Variants in KIF1B observed in about 807,000 individuals in gnomAD.
KIF1B encodes kinesin family member 1B.
Under a neutral mutation model 241.9 loss-of-function variants are expected in KIF1B, and 76 were observed. That is an observed-to-expected ratio of 0.31 (90% CI 0.26 to 0.38). KIF1B has a LOEUF of 0.38. Among genes scored for constraint, KIF1B ranks in the 10% least tolerant of loss-of-function variants. The probability of loss-of-function intolerance (pLI) is 1.00; values close to 1 mark genes in which losing one functional copy is unlikely to be tolerated. For synonymous variants in KIF1B, 750 were observed against 796.7 expected (o/e 0.94, Z 0.99); for missense variants, 1,622 against 2,271.4 (o/e 0.71, Z 5.81).
chr1:10,255,075 A>G lies in KIF1B; in HGVS notation c.107-1172A>G, dbSNP rs576973648. Among the ~76,000 whole-genome samples, 332 of 151,898 alleles carry G rather than the reference A, an allele frequency of 2.2e-3. 1 individual carries two copies. The highest frequency in any genetic ancestry group is 7.6e-3 in the African/African-American group (317 of 41,458). ...GTGATTCTCCTGCCTCAACCTCCCC[A>G]GTAGCTGGGATTATAGGCACACACC... is the stretch of plus-strand genomic sequence containing the variant. On this transcript the variant is annotated intron_variant, in intron 2 of 48. Transcript: ENST00000676179.
In KIF1B at chr1:10,256,935, C is replaced by G. The variant is rs192652729; in HGVS notation, c.183+612C>G. ...CCATGTTGGCCAGGCTGGTCTCGAG[C>G]TTCTGACCTTAAGTGATCCACCTGT... is the stretch of plus-strand genomic sequence containing the variant. On this transcript the variant is annotated intron_variant, in intron 3 of 48. Coordinates refer to ENST00000676179, the MANE Select transcript of KIF1B (RefSeq NM_001365951.3). Among the ~76,000 whole-genome samples, 285 of 152,082 alleles carry G rather than the reference C, an allele frequency of 1.9e-3. 1 individual carries two copies. Among genetic ancestry groups the G allele is most frequent in the African/African-American group, 6.4e-3 (267 of 41,492 alleles).
In KIF1B at chr1:10,365,352, C is replaced by T. The variant is rs930417549; in HGVS notation, c.4513-57C>T. 12 of 1,613,994 alleles carry T rather than the reference C, an allele frequency of 7.4e-6. No homozygotes were observed. In the African/African-American group the frequency reaches 1.5e-4, roughly 20 times the overall value. On this transcript the variant is annotated intron_variant, in intron 42 of 48. Transcript: ENST00000676179. This position sits in a 1 kb window ranked among gnomAD's most constrained non-coding sequence, Gnocchi z 4.0. ...TGTGATCATAGCTTTTCACTTTTCT[C>T]TCCTGAGGTCTTAACGAGCTTTGTG...
At chr1:10,368,226 C>T (rs1290644761) in intron 43 of KIF1B, among the ~76,000 whole-genome samples, 4 of 152,154 alleles carry the variant, frequency 2.6e-5, no homozygotes, top group African/African-American at 2.4e-5. Context: ...GTATCCAGGG[C>T]TTCATTTAGT....
intron 2 of KIF1B, among the ~76,000 whole-genome samples, chr1:10,242,875 A>G (rs573052860): frequency 2.6e-5 from 4 of 152,106 alleles, no homozygotes; most frequent in Non-Finnish European, 5.9e-5. Context: ...CAGCCCGCTG[A>G]TGGACAGGTT....
chr1:10,305,602 G>A, intron 22 of KIF1B: 1 of 1,057,472 alleles, frequency 9.5e-7, no homozygotes, highest in Non-Finnish European at 1.1e-6. Context: ...TGAAATAAAA[G>A]TTAACTTTGG....
chr1:10,295,399 A>G (rs564808014), intron 18 of KIF1B, among the ~76,000 whole-genome samples: 17 of 152,090 alleles, frequency 1.1e-4, no homozygotes, highest in African/African-American at 3.6e-4. Flanking sequence ...ACAAATATAC[A>G]TTCCTTAGGG....
chr1:10,258,490 C>T lies in KIF1B; in HGVS notation c.184-3C>T, dbSNP rs754127193. 1.2e-6 allele frequency: 2 copies of T among 1,613,520 alleles called. No individual in the cohort carries two copies. Among genetic ancestry groups the T allele is most frequent in the Non-Finnish European group, 1.7e-6 (2 of 1,179,464 alleles). On this transcript the variant is annotated splice_region_variant and splice_polypyrimidine_tract_variant and intron_variant, in intron 3 of 48. Transcript: ENST00000676179. ...TATTTATTTCTCCTTTTACTCTTTACAGCCCGAAGATCCCTGTTTTGCATC... is the reference window on the plus strand; with the variant it reads ...TATTTATTTCTCCTTTTACTCTTTATAGCCCGAAGATCCCTGTTTTGCATC...
Position 10,313,788 on chromosome 1 carries a change from G to A in KIF1B, c.2116-6255G>A, listed in dbSNP as rs558913450. On this transcript the variant is annotated intron_variant, in intron 22 of 48. Coordinates refer to ENST00000676179, the MANE Select transcript of KIF1B (RefSeq NM_001365951.3). The stretch of plus-strand genomic sequence containing the variant: ...GATGGTCTTGATCTCCTGACCTCGT[G>A]ATCTGCCCACCTTGGCCTCCCAAAG... 2.0e-4 allele frequency among the ~76,000 whole-genome samples: 30 copies of A among 151,472 alleles called. No individual in the cohort carries two copies. In the South Asian group the frequency reaches 5.8e-3, roughly 29 times the overall value.
intron 37 of KIF1B, 76 bp downstream of exon 37, chr1:10,348,809 T>A: frequency 1.9e-6 from 2 of 1,062,300 alleles, no homozygotes; most frequent in African/African-American, 1.6e-5. Context: ...AGGGTCTTGC[T>A]CTGTCACCCA....
chr1:10,372,641 G>A (rs1638767077), intron 45 of KIF1B, among the ~76,000 whole-genome samples: 1 of 128,028 alleles, frequency 7.8e-6, no homozygotes, highest in Non-Finnish European at 1.6e-5. Context: ...TTGCGCCGCT[G>A]CGCGCCAGCT....
At position 10,267,514 on chromosome 1, in the gene KIF1B, C is replaced by A; in HGVS notation, c.564C>A (p.Ser188=). The A allele has an allele frequency of 6.2e-7, 1 of 1,614,148 alleles. No individual in the cohort carries two copies. Among genetic ancestry groups the A allele is most frequent in the Non-Finnish European group, 8.5e-7 (1 of 1,179,982 alleles). The change falls in exon 6 of 49, where the codon TCC becomes TCA. Residue 188 remains serine (S), a synonymous_variant. Transcript: ENST00000676179. ...VEDLSKLAVT[S]YTDIADLMDA... is the part of the protein sequence containing the mutation. ...ATCTGTCCAAGTTGGCAGTTACTTC[C>A]TACACAGACATTGCTGACCTCATGG...
intron 38 of KIF1B, among the ~76,000 whole-genome samples, chr1:10,359,817 T>G (rs951985207): frequency 1.3e-5 from 2 of 152,182 alleles, no homozygotes; most frequent in Admixed American, 6.5e-5. Flanking sequence ...GCAGAGCGCT[T>G]GAGGTCAGGA....
At chr1:10,366,665 G>C (rs1638582926) in intron 43 of KIF1B, among the ~76,000 whole-genome samples, 1 of 152,102 alleles carries the variant, frequency 6.6e-6, no homozygotes, top group African/African-American at 2.4e-5. Context: ...ATGTTAAACA[G>C]GTATTTGTGT....
chr1:10,304,505 G>A, intron 22 of KIF1B: 1 of 1,612,782 alleles, frequency 6.2e-7, no homozygotes, highest in Non-Finnish European at 8.5e-7. Flanking sequence ...AACACTGGAG[G>A]TCAGTTAGAG....
At chr1:10,355,075 A>G (rs888703942) in intron 38 of KIF1B, among the ~76,000 whole-genome samples, 3 of 152,118 alleles carry the variant, frequency 2.0e-5, no homozygotes, top group Admixed American at 6.5e-5. Context: ...GCAACTTCCT[A>G]TTATTCTCAA....
intron 6 of KIF1B, 37 bp downstream of exon 6, chr1:10,267,595 GCA>G: frequency 6.2e-7 from 1 of 1,605,986 alleles, no homozygotes; most frequent in Non-Finnish European, 8.5e-7. Flanking sequence ...GAGGTCTTTG[GCA>G]CCTTTTGAGG....
rs182264388 is a variant in KIF1B at position 10,238,501 on chromosome 1, C to T, written c.106+6067C>T. On this transcript the variant is annotated intron_variant, in intron 2 of 48. Transcript: ENST00000676179. ...CGCAGATTGCTTGAGCTCAGGAGTT[C>T]GAGACCAGCCTGGGCAACATGGCAA... Among the ~76,000 whole-genome samples, 451 of 146,066 alleles carry T rather than the reference C, an allele frequency of 3.1e-3. 3 individuals carry two copies. Among genetic ancestry groups the T allele is most frequent in the African/African-American group, 0.011 (435 of 39,370 alleles).
chr1:10,352,640 G>A lies in KIF1B; in HGVS notation c.3959G>A (p.Arg1320Gln), dbSNP rs371798689. 4.2e-5 allele frequency: 67 copies of A among 1,612,948 alleles called. No individual in the cohort carries two copies. The highest frequency in any genetic ancestry group is 8.0e-5 in the African/African-American group (6 of 74,920). Residue 1320 changes from arginine to glutamine, a missense_variant, in exon 38 of 49, where the codon CGG becomes CAG. Physicochemically the swap from Arg to Gln is conservative, Grantham distance 43. Around this residue, in one of 7 missense-constraint regions of KIF1B, gnomAD observed 803 missense variants for 1,112.0 expected, o/e 0.72. Transcript: ENST00000676179. The part of the protein sequence containing the change: ...DVRELVVGRI[R>Q]NKPEVDEAAV... ...TTATCCTTTCTTTTAGGTCGTATTC[G>A]GAATAAGCCTGAGGTGGATGAAGCT...
chr1:10,240,302 A>G (rs1411120487), intron 2 of KIF1B, among the ~76,000 whole-genome samples: 2 of 150,098 alleles, frequency 1.3e-5, no homozygotes, highest in Non-Finnish European at 3.0e-5. Context: ...TCTGCCTCCC[A>G]GGTTCAAGTG....
Sources: allele counts gnomAD v4.1 joint callset (sites outside exome capture counted in the v4.1 genomes callset), GRCh38; gene constraint gnomAD v4.1.1; regional missense constraint gnomAD v4.1.1; non-coding constraint Gnocchi (gnomAD v3.1); transcripts MANE v1.5; gene names NCBI Gene and HGNC (gene_info 2026-07-23, HGNC 2026-07-21).